The following LPIN1 variants were observed in gnomAD, a reference collection of about 807,000 sequenced individuals.
LPIN1 encodes phosphatidate phosphatase LPIN1.
LPIN1 carries 71 observed loss-of-function variants against 107.5 expected under a neutral mutation model. The ratio of observed to expected loss-of-function variants is 0.66; its 90% CI spans 0.55 to 0.80. The LOEUF is 0.80. Among genes scored for constraint, LPIN1 ranks in the 30% least tolerant of loss-of-function variants. The probability of loss-of-function intolerance (pLI) is 0.00; values close to 1 mark genes in which losing one functional copy is unlikely to be tolerated. For missense variants in LPIN1, 1,043 were observed against 1,160.6 expected, an observed-to-expected ratio of 0.90 and a Z score of 1.47; for synonymous variants, 445 against 452.6, an observed-to-expected ratio of 0.98 and a Z score of 0.21.
chr2:11,737,278 A>G (rs1572478711), intron 1 of LPIN1, among the ~76,000 whole-genome samples: 1 of 152,282 alleles, frequency 6.6e-6, no homozygotes, highest in African/African-American at 2.4e-5. Flanking sequence ...AACCATAAAA[A>G]CCCTAGAAGA....
At chr2:11,715,166 G>T (rs1006245750) in intron 2 of LPIN1, among the ~76,000 whole-genome samples, 3 of 152,226 alleles carry the variant, frequency 2.0e-5, no homozygotes, top group African/African-American at 7.2e-5. Flanking sequence ...GGGAGCGCAG[G>T]CCACATAGTC....
chr2:11,751,579 G>A (rs564162318), intron 1 of LPIN1, among the ~76,000 whole-genome samples: 3 of 152,280 alleles, frequency 2.0e-5, no homozygotes, highest in South Asian at 2.1e-4. Context: ...CCAGCTGGGC[G>A]CGGTGGCTCA....
chr2:11,816,328 T>C (rs1453213300), intron 18 of LPIN1: 2 of 152,336 alleles, frequency 1.3e-5, no homozygotes, highest in East Asian at 1.9e-4. Flanking sequence ...CTGATCTCAA[T>C]AGAAATCCTG....
intron 1 of LPIN1, among the ~76,000 whole-genome samples, chr2:11,708,481 G>C (rs1663237679): frequency 6.6e-6 from 1 of 152,182 alleles, no homozygotes; most frequent in Non-Finnish European, 1.5e-5. Context: ...AGGCATGGGA[G>C]AGGAGCTGAG....
At chr2:11,751,161 T>G (rs1462731859) in intron 1 of LPIN1, among the ~76,000 whole-genome samples, 2 of 152,300 alleles carry the variant, frequency 1.3e-5, no homozygotes, top group Admixed American at 1.3e-4. Flanking sequence ...AAGCGTCACC[T>G]GGGGTTGTGG....
At position 11,785,054 on chromosome 2, in the gene LPIN1, C is replaced by A; in HGVS notation, c.1527C>A (p.Ser509Arg). 1 of 1,590,770 alleles carries A rather than the reference C, an allele frequency of 6.3e-7. No individual in the cohort carries two copies. The highest frequency in any genetic ancestry group is 8.5e-7 in the Non-Finnish European group (1 of 1,170,580). Residue 509 changes from serine (S) to arginine (R), a missense_variant, in exon 10 of 21, where the codon AGC becomes AGA. Physicochemically the swap from Ser to Arg is moderately radical, Grantham distance 110. Coordinates refer to ENST00000674199, the MANE Select transcript of LPIN1 (RefSeq NM_001349206.2). ...CCATCTCCCTCTGCGGGGGCCTCAG[C>A]GACCACCGGGAGATCACGAAAGGTA... Reference protein sequence around the residue: ...SIAISLCGGLSDHREITKDAF... With the variant: ...SIAISLCGGLRDHREITKDAF...
intron 3 of LPIN1, 116 bp downstream of exon 3, chr2:11,767,974 T>C: frequency 2.7e-6 from 2 of 752,022 alleles, no homozygotes; most frequent in Middle Eastern, 2.3e-4. Flanking sequence ...GTGTGGACGA[T>C]GGGGCAGAGA....
chr2:11,680,128 G>T (rs1202910726), intron 1 of LPIN1, among the ~76,000 whole-genome samples: 1 of 152,202 alleles, frequency 6.6e-6, no homozygotes, highest in Non-Finnish European at 1.5e-5. Flanking sequence ...GCTGAGGGGG[G>T]ATGCAGGAGA....
At chr2:11,694,396 G>T (rs1662467069) in intron 1 of LPIN1, among the ~76,000 whole-genome samples, 1 of 152,126 alleles carries the variant, frequency 6.6e-6, no homozygotes, top group Non-Finnish European at 1.5e-5. Flanking sequence ...CTTCTTCCTT[G>T]ACTCTTCAGA....
chr2:11,808,459 G>T (rs1285946323), intron 17 of LPIN1, among the ~76,000 whole-genome samples: 2 of 152,190 alleles, frequency 1.3e-5, no homozygotes, highest in Non-Finnish European at 2.9e-5. Context: ...TGATTCTCAT[G>T]CTAGGGTACC....
intron 1 of LPIN1, among the ~76,000 whole-genome samples, chr2:11,729,296 C>T (rs1664965325): frequency 6.6e-6 from 1 of 151,874 alleles, no homozygotes; most frequent in Non-Finnish European, 1.5e-5. Flanking sequence ...CACATGTATC[C>T]CAGAACTTAA....
intron 9 of LPIN1, 169 bp downstream of exon 9, chr2:11,784,091 G>A (rs1250038627): frequency 2.6e-6 from 3 of 1,165,060 alleles, no homozygotes; most frequent in South Asian, 1.4e-5. Context: ...GATCACTTGA[G>A]GTCAGGAGTT....
intron 1 of LPIN1, among the ~76,000 whole-genome samples, chr2:11,758,147 G>A (rs1268652510): frequency 2.0e-5 from 3 of 152,238 alleles, no homozygotes; most frequent in Admixed American, 6.5e-5. Flanking sequence ...TGGATGGACC[G>A]CATTTTGCTT....
chr2:11,743,593 GGCC>G (rs1666585848), upstream of LPIN1, among the ~76,000 whole-genome samples: 1 of 152,294 alleles, frequency 6.6e-6, no homozygotes, highest in African/African-American at 2.4e-5. This position sits in a 1 kb window ranked among gnomAD's most constrained non-coding sequence, Gnocchi z 4.7. Flanking sequence ...ACCAAGGAGT[GGCC>G]TTAGACCCCG....
chr2:11,759,995 T>A (rs1392053863), intron 1 of LPIN1, among the ~76,000 whole-genome samples: 3 of 141,102 alleles, frequency 2.1e-5, no homozygotes, highest in Non-Finnish European at 3.1e-5. Context: ...GGCTCCTCAC[T>A]TCTCAGACGG....
chr2:11,778,731 T>G (rs906411062), intron 6 of LPIN1, among the ~76,000 whole-genome samples: 2 of 152,276 alleles, frequency 1.3e-5, no homozygotes, highest in African/African-American at 4.8e-5. Context: ...GAATTGCTGC[T>G]GTAAATAATA....
At chr2:11,684,896 T>C in intron 1 of LPIN1, among the ~76,000 whole-genome samples, 1 of 152,278 alleles carries the variant, frequency 6.6e-6, no homozygotes, top group East Asian at 1.9e-4. Context: ...TAGGCGACAC[T>C]GTGGCCGGCA....
intron 1 of LPIN1, among the ~76,000 whole-genome samples, chr2:11,688,806 A>C (rs1037846825): frequency 6.6e-6 from 1 of 152,216 alleles, no homozygotes; most frequent in Non-Finnish European, 1.5e-5. Flanking sequence ...AAAATAAAGG[A>C]GAAAGGGACT....
chr2:11,678,106 A>G (rs758624959), intron 1 of LPIN1, among the ~76,000 whole-genome samples: 1 of 152,240 alleles, frequency 6.6e-6, no homozygotes, highest in Non-Finnish European at 1.5e-5. Context: ...TGTGCAGGCC[A>G]GGAAGCGAGG....
Sources: allele counts gnomAD v4.1 joint callset (sites outside exome capture counted in the v4.1 genomes callset), GRCh38; gene constraint gnomAD v4.1.1; non-coding constraint Gnocchi (gnomAD v3.1); transcripts MANE v1.5; gene names NCBI Gene and HGNC (gene_info 2026-07-23, HGNC 2026-07-21).